Variants in CAPZB observed in about 807,000 individuals in gnomAD.
The protein encoded by CAPZB is capping actin protein of muscle Z-line subunit beta.
CAPZB carries 2 observed loss-of-function variants against 38.1 expected under a neutral mutation model. That is an observed-to-expected ratio of 0.05 (90% CI 0.02 to 0.17). CAPZB has a LOEUF of 0.17. Among genes scored for constraint, CAPZB ranks in the 10% least tolerant of loss-of-function variants. The probability of loss-of-function intolerance (pLI) is 1.00; values close to 1 mark genes in which losing one functional copy is unlikely to be tolerated. For missense variants in CAPZB, 161 were observed against 334.2 expected (o/e 0.48, Z 4.04); for synonymous variants, 107 against 127.4 (o/e 0.84, Z 1.08).
At chr1:19,394,020 A>T (rs1337966908) in intron 2 of CAPZB, among the ~76,000 whole-genome samples, 1 of 152,230 alleles carries the variant, frequency 6.6e-6, no homozygotes, top group East Asian at 1.9e-4. Flanking sequence ...TTTGTTTTTG[A>T]GACGAAGTCT....
rs1179029540 is a variant in CAPZB at position 19,339,435 on chromosome 1, GGAGGGAAGGGAC to G, written c.*83_*94del. The G allele has an allele frequency of 7.9e-6, 7 of 886,754 alleles. No homozygotes were observed. The highest frequency in any genetic ancestry group is 1.7e-5 in the Admixed American group (1 of 58,734). The allele number at this position is 886,754 out of a possible 1,614,324, so 54.9% of individuals were successfully genotyped here. On this transcript the variant is annotated 3_prime_UTR_variant, in exon 9 of 9. Coordinates refer to ENST00000264202, the MANE Select transcript of CAPZB (RefSeq NM_004930.5). ...ATGCAGCTGTTATGTGACCTGTCGG[GGAGGGAAGGGAC>G]GAGGGAAGGGAGCAGAAAACGAGTT...
intron 1 of CAPZB, among the ~76,000 whole-genome samples, chr1:19,451,834 G>A (rs192694851): frequency 7.4e-4 from 112 of 152,106 alleles, no homozygotes; most frequent in African/African-American, 2.6e-3. Context: ...TTGCCCCACC[G>A]AAACCTAGCA....
At chr1:19,347,377 C>G (rs781636412) in intron 6 of CAPZB, among the ~76,000 whole-genome samples, 2 of 152,018 alleles carry the variant, frequency 1.3e-5, no homozygotes, top group Non-Finnish European at 2.9e-5. Flanking sequence ...TAAATAGGGT[C>G]GCATCCTTCT....
intron 1 of CAPZB, among the ~76,000 whole-genome samples, chr1:19,432,833 G>A (rs746424197): frequency 6.6e-6 from 1 of 152,200 alleles, no homozygotes; most frequent in East Asian, 1.9e-4. Context: ...AATTTCTAAC[G>A]ACTTGTAGGG....
intron 1 of CAPZB, among the ~76,000 whole-genome samples, chr1:19,440,966 A>C (rs1021512573): frequency 6.6e-6 from 1 of 152,180 alleles, no homozygotes; most frequent in African/African-American, 2.4e-5. Flanking sequence ...AGACTGAGGC[A>C]GGAGAATGGC....
chr1:19,342,640 G>A (rs2093936515), intron 8 of CAPZB: 2 of 698,572 alleles, frequency 2.9e-6, no homozygotes, highest in Admixed American at 2.0e-5. Context: ...GCACACGTGG[G>A]GGTTAGTGGT....
intron 3 of CAPZB, among the ~76,000 whole-genome samples, chr1:19,384,718 A>G (rs1205479230): frequency 6.6e-6 from 1 of 152,118 alleles, no homozygotes; most frequent in Admixed American, 6.5e-5. Flanking sequence ...TTCCTCTACC[A>G]TTCTCCAAGG....
At chr1:19,467,483 A>C (rs1392825254) in intron 1 of CAPZB, among the ~76,000 whole-genome samples, 1 of 152,156 alleles carries the variant, frequency 6.6e-6, no homozygotes, top group Admixed American at 6.5e-5. Context: ...ATCTAGCCTA[A>C]GTCACCGCTC....
rs185846694 is a variant in CAPZB at position 19,356,532 on chromosome 1, C to T, written c.588+103G>A. ...GATGGTGGATTTATAGCTGGCTGAACATGCTTACCCTAAATGGGGCACCTG... is the reference window on the plus strand; with the variant it reads ...GATGGTGGATTTATAGCTGGCTGAATATGCTTACCCTAAATGGGGCACCTG... On this transcript the variant is annotated intron_variant, in intron 6 of 8. Coordinates refer to ENST00000264202, the MANE Select transcript of CAPZB (RefSeq NM_004930.5). The surrounding 1 kb of genome is among the most constrained non-coding windows in gnomAD (Gnocchi z 4.3). 3 of 795,310 alleles carry T rather than the reference C, an allele frequency of 3.8e-6. No homozygotes were observed. Among genetic ancestry groups the T allele is most frequent in the Middle Eastern group, 2.5e-4 (1 of 3,930 alleles). 49.3% of individuals were successfully genotyped at this position (795,310 alleles called of 1,614,324 possible).
At chr1:19,348,663 G>A (rs544078850) in intron 6 of CAPZB, among the ~76,000 whole-genome samples, 2 of 151,526 alleles carry the variant, frequency 1.3e-5, no homozygotes, top group Admixed American at 6.6e-5. Flanking sequence ...GCTGGACTCG[G>A]TCTGTTCTGA....
At chr1:19,425,764 C>T (rs989372044) in intron 1 of CAPZB, among the ~76,000 whole-genome samples, 7 of 152,108 alleles carry the variant, frequency 4.6e-5, no homozygotes, top group African/African-American at 1.2e-4. Flanking sequence ...TTCAGACATC[C>T]GACGGTATTA....
chr1:19,447,502 T>C (rs1331241769), intron 1 of CAPZB, among the ~76,000 whole-genome samples: 1 of 151,724 alleles, frequency 6.6e-6, no homozygotes, highest in East Asian at 1.9e-4. Context: ...CCTAAAGTGC[T>C]GGGATTATAG....
intron 4 of CAPZB, among the ~76,000 whole-genome samples, chr1:19,377,746 ATGGCTAACTTTCTC>A (rs2094151050): frequency 6.6e-6 from 1 of 152,258 alleles, no homozygotes; most frequent in South Asian, 2.1e-4. Flanking sequence ...TCTGTTGATT[ATGGCTAACTTTCTC>A]TGGAGCCCTT....
At chr1:19,433,530 T>G (rs1378661382) in intron 1 of CAPZB, among the ~76,000 whole-genome samples, 1 of 152,212 alleles carries the variant, frequency 6.6e-6, no homozygotes, top group Admixed American at 6.5e-5. Context: ...ACCCTGCACA[T>G]GGCTTCCAAA....
intron 1 of CAPZB, among the ~76,000 whole-genome samples, chr1:19,469,157 G>A (rs546124805): frequency 2.0e-4 from 30 of 152,330 alleles, no homozygotes; most frequent in African/African-American, 5.8e-4. Flanking sequence ...CGGTGAAGAC[G>A]GGATAGGGCC....
chr1:19,437,615 C>T (rs1034647415), intron 1 of CAPZB, among the ~76,000 whole-genome samples: 1 of 152,150 alleles, frequency 6.6e-6, no homozygotes, highest in African/African-American at 2.4e-5. Context: ...AGGAACAGAA[C>T]ACCATGGGCA....
intron 1 of CAPZB, among the ~76,000 whole-genome samples, chr1:19,440,326 T>G (rs914274423): frequency 5.9e-5 from 9 of 152,080 alleles, no homozygotes; most frequent in Non-Finnish European, 1.2e-4. Context: ...GTGTGAGCCA[T>G]GCACCCGGCC....
At chr1:19,360,223 C>A (rs567817400) in intron 4 of CAPZB, among the ~76,000 whole-genome samples, 4 of 152,300 alleles carry the variant, frequency 2.6e-5, no homozygotes, top group South Asian at 4.1e-4. Context: ...CATAACAGAC[C>A]TGCTAATACC....
At chr1:19,460,902 A>G (rs1342097126) in intron 1 of CAPZB, among the ~76,000 whole-genome samples, 1 of 152,080 alleles carries the variant, frequency 6.6e-6, no homozygotes. Context: ...CTGCATTGTT[A>G]GCCTTCAGGA....
Sources: allele counts gnomAD v4.1 joint callset (sites outside exome capture counted in the v4.1 genomes callset), GRCh38; gene constraint gnomAD v4.1.1; non-coding constraint Gnocchi (gnomAD v3.1); transcripts MANE v1.5; gene names NCBI Gene and HGNC (gene_info 2026-07-23, HGNC 2026-07-21).